BBS2: variants seen among roughly 807,000 people sequenced by gnomAD.
The protein encoded by BBS2 is Bardet-Biedl syndrome 2.
A neutral mutation model predicts 83.0 loss-of-function variants in BBS2; 62 were observed. That is an observed-to-expected ratio of 0.75 (90% CI 0.61 to 0.92). The LOEUF (loss-of-function observed/expected upper bound fraction) is 0.92, where lower values mean the gene tolerates loss of function less well. Ranked by LOEUF, BBS2 falls within the 40% of genes least tolerant of loss-of-function variation. The pLI, the probability that BBS2 is intolerant of heterozygous loss-of-function variation, is 0.00. For missense variants in BBS2, 784 were observed against 901.0 expected (o/e 0.87, Z 1.66); for synonymous variants, 303 against 326.1 (o/e 0.93, Z 0.76).
At position 56,505,987 on chromosome 16, in the gene BBS2, C is replaced by G; in HGVS notation, c.767G>C (p.Gly256Ala). 1 of 1,614,014 alleles carries G rather than the reference C, an allele frequency of 6.2e-7. No individual in the cohort carries two copies. Among genetic ancestry groups the G allele is most frequent in the South Asian group, 1.1e-5 (1 of 91,040 alleles). The change falls in exon 7 of 17, where the codon GGA becomes GCA. Residue 256 changes from glycine (G) to alanine (A), a missense_variant. Gly to Ala is a moderately conservative substitution (Grantham distance 60). Transcript: ENST00000245157. ...SIHAFDLNSD[G>A]VNELITGWSN... ...CCAACCAGTTATCAGTTCATTCACT[C>G]CATCAGAATTAAGGTCAAAAGCATG... is the stretch of plus-strand genomic sequence containing the variant.
intron 9 of BBS2, 110 bp from the exon 10 acceptor site, chr16:56,501,607 T>C: frequency 2.2e-6 from 3 of 1,343,952 alleles, no homozygotes; most frequent in Non-Finnish European, 3.1e-6. Context: ...CAGCATATTA[T>C]TATTATTATA....
At chr16:56,496,749 A>T (rs979239584) in intron 15 of BBS2, among the ~76,000 whole-genome samples, 1 of 152,264 alleles carries the variant, frequency 6.6e-6, no homozygotes, top group Non-Finnish European at 1.5e-5. Flanking sequence ...GTTTATAAGC[A>T]TACATATAAC....
At chr16:56,513,306 C>T (rs1964631283) in intron 2 of BBS2, among the ~76,000 whole-genome samples, 1 of 152,102 alleles carries the variant, frequency 6.6e-6, no homozygotes, top group African/African-American at 2.4e-5. Context: ...CAACATGGAA[C>T]GGTTAAACAA....
At chr16:56,475,313 A>G (rs1345176713) in intron 17 of BBS2, among the ~76,000 whole-genome samples, 2 of 152,224 alleles carry the variant, frequency 1.3e-5, no homozygotes, top group African/African-American at 4.8e-5. Flanking sequence ...CAGCTGTCTC[A>G]GGAAATTAGG....
At position 56,498,474 on chromosome 16, in the gene BBS2, C is replaced by A. The variant is rs1238206423; in HGVS notation, c.1622G>T (p.Gly541Val). ...FQVCFTSLRN[G>V]GHLHIKIKLS... ...TTTTATTTTTATATGCAGGTGGCCG[C>A]CATTCCGTAAAGATGTGAAACACAC... Residue 541 changes from glycine to valine, a missense_variant, in exon 13 of 17, where the codon GGC (glycine) becomes GTC (valine). Transcript: ENST00000245157. 1.2e-6 allele frequency: 2 copies of A among 1,614,012 alleles called. No individual in the cohort carries two copies. Among genetic ancestry groups the A allele is most frequent in the East Asian group, 2.2e-5 (1 of 44,864 alleles).
chr16:56,496,127 G>A (rs1412058956), intron 15 of BBS2, among the ~76,000 whole-genome samples: 2 of 152,122 alleles, frequency 1.3e-5, no homozygotes, highest in African/African-American at 4.8e-5. Flanking sequence ...GCAGCACTCT[G>A]AGTGAACTCT....
chr16:56,506,941 C>G (rs550612654), intron 5 of BBS2, among the ~76,000 whole-genome samples: 1 of 152,312 alleles, frequency 6.6e-6, no homozygotes, highest in East Asian at 1.9e-4. Context: ...TGCAGATCTA[C>G]TTTCTAATTC....
chr16:56,502,825 A>G lies in BBS2; in HGVS notation c.805-17T>C. Reference sequence around the variant, plus strand: ...AGCATCAACCTACAAATAAAACACAAATTTAAAAGTTGCTTATGCTACATG... The same window carrying G: ...AGCATCAACCTACAAATAAAACACAGATTTAAAAGTTGCTTATGCTACATG... On this transcript the variant is annotated splice_polypyrimidine_tract_variant and intron_variant, in intron 7 of 16. Coordinates refer to ENST00000245157, the MANE Select transcript of BBS2 (RefSeq NM_031885.5). 1 of 1,614,096 alleles carries G rather than the reference A, an allele frequency of 6.2e-7. No individual in the cohort carries two copies. The highest frequency in any genetic ancestry group is 8.5e-7 in the Non-Finnish European group (1 of 1,180,002).
intron 7 of BBS2, 101 bp from the exon 8 acceptor site, chr16:56,502,909 G>A (rs1567577004): frequency 1.4e-6 from 2 of 1,387,886 alleles, no homozygotes; most frequent in Non-Finnish European, 2.0e-6. Context: ...TAGTCTAGCA[G>A]TTTTCAAGAG....
At chr16:56,470,796 G>A in intron 17 of BBS2, 2 of 1,577,346 alleles carry the variant, frequency 1.3e-6, no homozygotes, top group Non-Finnish European at 1.7e-6. Context: ...AGAAAGGTAA[G>A]CTGTTGTTAG....
rs1451073259 is a variant in BBS2 at position 56,501,005 on chromosome 16, A to G, written c.1246T>C (p.Leu416=). ...GTAAAAATTCCTTCTGCAAAAATCA[A>G]TACTGCTCGGATGATGGTGTCTGCA... The part of the protein sequence containing the change: ...TSNDTIIRAV[L]IFAEGIFTGE... Residue 416 remains leucine (L), a synonymous_variant, in exon 11 of 17, where the codon TTG becomes CTG. Transcript: ENST00000245157. 1.2e-6 allele frequency: 2 copies of G among 1,614,220 alleles called. No homozygotes were observed. Among genetic ancestry groups the G allele is most frequent in the South Asian group, 1.1e-5 (1 of 91,090 alleles).
intron 15 of BBS2, among the ~76,000 whole-genome samples, chr16:56,494,707 A>G (rs1249942185): frequency 1.3e-5 from 2 of 152,202 alleles, no homozygotes; most frequent in Non-Finnish European, 2.9e-5. Context: ...TCACACCTGT[A>G]ATCCCAGCAC....
At chr16:56,475,507 G>C in intron 17 of BBS2, 1 of 1,613,974 alleles carries the variant, frequency 6.2e-7, no homozygotes, top group Non-Finnish European at 8.5e-7. Context: ...CTCTTGTAAG[G>C]CTGGGAGCCA....
intron 17 of BBS2, chr16:56,476,223 G>A (rs753491706): frequency 1.9e-6 from 3 of 1,599,052 alleles, no homozygotes; most frequent in East Asian, 2.2e-5. Flanking sequence ...GGGCAAAGCT[G>A]AACAAAAATG....
chr16:56,471,135 T>C (rs186424230), intron 17 of BBS2, among the ~76,000 whole-genome samples: 1 of 151,426 alleles, frequency 6.6e-6, no homozygotes, highest in East Asian at 1.9e-4. Flanking sequence ...TCTGATCACC[T>C]GAGGCCAGGA....
intron 3 of BBS2, 114 bp from the exon 4 acceptor site, chr16:56,511,035 AT>A: frequency 6.4e-7 from 1 of 1,563,158 alleles, no homozygotes; most frequent in East Asian, 2.3e-5. Context: ...TATTCGAATT[AT>A]TCATATCCTT....
At chr16:56,475,542 A>G in intron 17 of BBS2, 1 of 1,614,028 alleles carries the variant, frequency 6.2e-7, no homozygotes, top group Non-Finnish European at 8.5e-7. Context: ...TACTTCTTAC[A>G]TTGCCAAAGG....
chr16:56,495,950 A>G (rs1323264125), intron 15 of BBS2, among the ~76,000 whole-genome samples: 18 of 152,034 alleles, frequency 1.2e-4, no homozygotes, highest in Admixed American at 9.8e-4. Flanking sequence ...TCTTTAGTTG[A>G]TAACTGTTGA....
At chr16:56,502,262 G>C in intron 9 of BBS2, 55 bp downstream of exon 9, 3 of 1,611,486 alleles carry the variant, frequency 1.9e-6, no homozygotes, top group Non-Finnish European at 1.7e-6. Context: ...GATCCTCCCG[G>C]TCAGTCTCAA....
Sources: gnomAD v4.1 joint callset for allele counts (sites outside exome capture counted in the v4.1 genomes callset) on GRCh38, gnomAD v4.1.1 for gene constraint, MANE v1.5 for transcripts, NCBI Gene and HGNC (gene_info 2026-07-23, HGNC 2026-07-21) for gene names.